Variants in KIAA1549L observed in about 807,000 individuals in gnomAD.
KIAA1549L encodes the protein KIAA1549 like.
In KIAA1549L, 88 loss-of-function variants were observed where a neutral mutation model predicts 160.7. That is an observed-to-expected ratio of 0.55 (90% CI 0.46 to 0.65). The LOEUF (loss-of-function observed/expected upper bound fraction) is 0.65, where lower values mean the gene tolerates loss of function less well. Ranked by LOEUF, KIAA1549L falls within the 30% of genes least tolerant of loss-of-function variation. The pLI is 0.00. For synonymous variants in KIAA1549L, 950 were observed against 976.7 expected, an observed-to-expected ratio of 0.97 and a Z score of 0.51; for missense variants, 2,258 against 2,437.5, an observed-to-expected ratio of 0.93 and a Z score of 1.55.
At chr11:33,635,917 C>T (rs1851424806) in intron 16 of KIAA1549L, among the ~76,000 whole-genome samples, 1 of 152,152 alleles carries the variant, frequency 6.6e-6, no homozygotes, top group Admixed American at 6.6e-5. Context: ...CAGCTACTTA[C>T]GGTCAACTAT....
At chr11:33,518,007 G>A (rs1853389308) in intron 1 of KIAA1549L, among the ~76,000 whole-genome samples, 1 of 151,814 alleles carries the variant, frequency 6.6e-6, no homozygotes, top group African/African-American at 2.4e-5. Context: ...AGGTGTGGTG[G>A]TGGGCACCTG....
chr11:33,647,415 A>G (rs1419930347), intron 17 of KIAA1549L, among the ~76,000 whole-genome samples: 1 of 150,316 alleles, frequency 6.7e-6, no homozygotes, highest in East Asian at 1.9e-4. Flanking sequence ...CATTGTGATT[A>G]TTTATTAAGT....
In KIAA1549L at chr11:33,543,133, C is replaced by G; in HGVS notation, c.1570C>G (p.Pro524Ala). ...HASPSPVPEM[P>A]TLPAEGSDGS... is the part of the protein sequence containing the mutation. Reference sequence around the variant, plus strand: ...CTCCCCATCTCCTGTGCCAGAAATGCCCACTCTTCCAGCAGAGGGCAGTGA... The same window carrying G: ...CTCCCCATCTCCTGTGCCAGAAATGGCCACTCTTCCAGCAGAGGGCAGTGA... Residue 524 changes from proline (P) to alanine (A), a missense_variant, in exon 2 of 21, where the codon CCC becomes GCC. Physicochemically the swap from Pro to Ala is conservative, Grantham distance 27. Transcript: ENST00000658780. The G allele has an allele frequency of 1.2e-6, 2 of 1,613,848 alleles. No individual in the cohort carries two copies. Among genetic ancestry groups the G allele is most frequent in the Non-Finnish European group, 1.7e-6 (2 of 1,179,886 alleles).
chr11:33,607,705 C>G (rs529141731), intron 14 of KIAA1549L, among the ~76,000 whole-genome samples: 35 of 152,220 alleles, frequency 2.3e-4, no homozygotes, highest in African/African-American at 8.4e-4. Context: ...TAGTCTTTTT[C>G]CCATCACACC....
At chr11:33,399,181 G>C (rs568615729) in intron 1 of KIAA1549L, among the ~76,000 whole-genome samples, 2 of 152,250 alleles carry the variant, frequency 1.3e-5, no homozygotes, top group East Asian at 3.9e-4. Context: ...TCGAACTCCT[G>C]ACCTCAAGTG....
At chr11:33,590,806 T>G (rs1590375247) in intron 11 of KIAA1549L, among the ~76,000 whole-genome samples, 1 of 139,982 alleles carries the variant, frequency 7.1e-6, no homozygotes, top group Non-Finnish European at 1.5e-5. Flanking sequence ...AAGTCACACA[T>G]GTGCTATTAC....
At chr11:33,516,214 C>G (rs534940096) in intron 1 of KIAA1549L, among the ~76,000 whole-genome samples, 1,712 of 15,922 alleles carry the variant, frequency 0.11, 740 homozygotes, top group African/African-American at 0.75. Context: ...TGCAGTGGCG[C>G]AATCTCGGCT....
At chr11:33,406,072 A>G (rs1027740569) in intron 1 of KIAA1549L, among the ~76,000 whole-genome samples, 12 of 152,170 alleles carry the variant, frequency 7.9e-5, no homozygotes, top group African/African-American at 2.9e-4. Flanking sequence ...AAGCTAACTC[A>G]TTACTACAAC....
chr11:33,446,100 T>C (rs1443836989), intron 1 of KIAA1549L, among the ~76,000 whole-genome samples: 1 of 151,218 alleles, frequency 6.6e-6, no homozygotes, highest in Non-Finnish European at 1.5e-5. Flanking sequence ...TCCTGTCTTT[T>C]TTTTTTTTTT....
chr11:33,609,664 T>C (rs901157235), intron 14 of KIAA1549L, 85 bp from the exon 15 acceptor site: 2 of 1,111,758 alleles, frequency 1.8e-6, no homozygotes, highest in African/African-American at 1.6e-5. Flanking sequence ...ATGGCTTTTT[T>C]AGAAGTGATA....
intron 1 of KIAA1549L, among the ~76,000 whole-genome samples, chr11:33,421,974 T>C (rs1411512217): frequency 6.6e-6 from 1 of 152,206 alleles, no homozygotes; most frequent in African/African-American, 2.4e-5. Flanking sequence ...GCTGCTGCTA[T>C]TGGTCTGGGG....
intron 1 of KIAA1549L, among the ~76,000 whole-genome samples, chr11:33,416,881 A>G (rs979929705): frequency 3.9e-5 from 6 of 152,172 alleles, no homozygotes; most frequent in Admixed American, 1.3e-4. Flanking sequence ...TTATGAGGCA[A>G]TATAAATTCA....
chr11:33,522,277 G>T (rs1181071773), intron 1 of KIAA1549L, among the ~76,000 whole-genome samples: 1 of 152,164 alleles, frequency 6.6e-6, no homozygotes. Flanking sequence ...AAAAATCTGA[G>T]TTAACAAATC....
intron 10 of KIAA1549L, among the ~76,000 whole-genome samples, chr11:33,578,463 T>C (rs1855527824): frequency 6.6e-6 from 1 of 152,186 alleles, no homozygotes; most frequent in African/African-American, 2.4e-5. Flanking sequence ...TCTCTCCCAC[T>C]TGGACCATGG....
At chr11:33,487,190 A>G (rs1204625281) in intron 1 of KIAA1549L, among the ~76,000 whole-genome samples, 1 of 152,214 alleles carries the variant, frequency 6.6e-6, no homozygotes, top group Non-Finnish European at 1.5e-5. Context: ...CCAAGCAAGG[A>G]CAATCTTATT....
intron 1 of KIAA1549L, among the ~76,000 whole-genome samples, chr11:33,522,601 G>A (rs1357203306): frequency 1.3e-5 from 2 of 152,106 alleles, no homozygotes; most frequent in African/African-American, 2.4e-5. Flanking sequence ...CCCCAAGAAG[G>A]CATTAGAACC....
intron 1 of KIAA1549L, among the ~76,000 whole-genome samples, chr11:33,406,620 C>T (rs1347589146): frequency 6.6e-6 from 1 of 152,240 alleles, no homozygotes; most frequent in Non-Finnish European, 1.5e-5. Context: ...CCCTGAAATT[C>T]AGGGCAGGTC....
chr11:33,404,593 GA>G lies in KIAA1549L; in HGVS notation c.238+27711del, dbSNP rs202098487. 6.4e-3 allele frequency among the ~76,000 whole-genome samples: 963 copies of G among 151,504 alleles called. 13 individuals carry two copies. The highest frequency in any genetic ancestry group is 0.022 in the African/African-American group (926 of 41,342). ...GTCAGATAAGTACAGACAATTCATG[GA>G]AAAAAATAAAAAGAAAAAGAGATGA... On this transcript the variant is annotated intron_variant, in intron 1 of 20. Coordinates refer to ENST00000658780, the MANE Select transcript of KIAA1549L (RefSeq NM_012194.3).
At chr11:33,660,166 C>A (rs933001530) in intron 19 of KIAA1549L, among the ~76,000 whole-genome samples, 1 of 137,082 alleles carries the variant, frequency 7.3e-6, no homozygotes, top group African/African-American at 2.8e-5. Context: ...AGACTCCACC[C>A]CTGGCAAAGG....
Sources: gnomAD v4.1 joint callset for allele counts (sites outside exome capture counted in the v4.1 genomes callset) on GRCh38, gnomAD v4.1.1 for gene constraint, MANE v1.5 for transcripts, NCBI Gene and HGNC (gene_info 2026-07-23, HGNC 2026-07-21) for gene names.